Variants in NAA60 observed in about 807,000 individuals in gnomAD.
The protein encoded by NAA60 is N-alpha-acetyltransferase 60.
A neutral mutation model predicts 26.1 loss-of-function variants in NAA60; 8 were observed. The observed-to-expected ratio is 0.31, with a 90% CI of 0.18 to 0.55. The LOEUF (loss-of-function observed/expected upper bound fraction) is 0.55, where lower values mean the gene tolerates loss of function less well. Ranked by LOEUF, NAA60 falls within the 20% of genes least tolerant of loss-of-function variation. The pLI, the probability that NAA60 is intolerant of heterozygous loss-of-function variation, is 0.93. For missense variants in NAA60, 290 were observed against 311.3 expected (o/e 0.93, Z 0.51); for synonymous variants, 131 against 122.5 (o/e 1.07, Z -0.46).
rs2150995884 is a variant in NAA60 at position 3,472,998 on chromosome 16, T to C, written c.-6-3224T>C. On this transcript the variant is annotated intron_variant, in intron 2 of 7. Coordinates refer to ENST00000407558, the MANE Select transcript of NAA60 (RefSeq NM_001083601.3). The stretch of plus-strand genomic sequence containing the variant: ...CTTTTAGAGGTTTTGTTCCTTTGTG[T>C]GTTCTTTGTCATCTGTTTTGTTTTG... 2.1e-5 allele frequency among the ~76,000 whole-genome samples: 3 copies of C among 145,874 alleles called. No individual in the cohort carries two copies. In the South Asian group the frequency reaches 6.9e-4, roughly 34 times the overall value.
At chr16:3,483,860 T>C in intron 6 of NAA60, 2 of 498,630 alleles carry the variant, frequency 4.0e-6, no homozygotes, top group Non-Finnish European at 7.1e-6. Context: ...CCCAAATTAC[T>C]GGGATTATAG....
At chr16:3,446,952 C>G (rs2034580462) in intron 1 of NAA60, among the ~76,000 whole-genome samples, 1 of 152,058 alleles carries the variant, frequency 6.6e-6, no homozygotes, top group Non-Finnish European at 1.5e-5. Flanking sequence ...AGCAATTCTT[C>G]TGGCTCAGCC....
chr16:3,453,847 C>A (rs1306758537), intron 2 of NAA60, among the ~76,000 whole-genome samples: 3 of 151,866 alleles, frequency 2.0e-5, no homozygotes, highest in Non-Finnish European at 2.9e-5. Context: ...AAACCTGATC[C>A]CCAGTCCCTG....
intron 2 of NAA60, chr16:3,457,866 C>A (rs2035077205): frequency 6.5e-6 from 4 of 618,514 alleles, no homozygotes; most frequent in East Asian, 1.4e-4. Context: ...CTCACCAGTG[C>A]CCCGCATACG....
At chr16:3,476,767 A>G (rs1292777129) in intron 3 of NAA60, among the ~76,000 whole-genome samples, 1 of 152,146 alleles carries the variant, frequency 6.6e-6, no homozygotes, top group Non-Finnish European at 1.5e-5. Flanking sequence ...CTTTTTTACA[A>G]GATATTAAAG....
chr16:3,458,764 G>T (rs1454032410), intron 2 of NAA60, among the ~76,000 whole-genome samples: 2 of 152,182 alleles, frequency 1.3e-5, no homozygotes, highest in East Asian at 3.9e-4. Context: ...AATTCCTTAC[G>T]TTCCTGGCCC....
At chr16:3,470,049 G>T (rs905369570) in intron 2 of NAA60, among the ~76,000 whole-genome samples, 3 of 152,224 alleles carry the variant, frequency 2.0e-5, no homozygotes, top group Admixed American at 2.0e-4. Context: ...TTTGTCTCGT[G>T]TCAGGGGATG....
At chr16:3,451,855 T>C (rs1343591307) in intron 2 of NAA60, among the ~76,000 whole-genome samples, 2 of 149,664 alleles carry the variant, frequency 1.3e-5, no homozygotes, top group African/African-American at 2.5e-5. Flanking sequence ...GAGGCAGAAA[T>C]TGCAGTGAGC....
intron 2 of NAA60, chr16:3,456,683 G>A (rs1337278888): frequency 6.6e-6 from 1 of 152,146 alleles, no homozygotes; most frequent in African/African-American, 2.4e-5. Flanking sequence ...CCTGCTGAAG[G>A]GGGTGGGATT....
intron 2 of NAA60, chr16:3,458,037 G>A (rs970613409): frequency 7.3e-5 from 72 of 985,270 alleles, no homozygotes; most frequent in Non-Finnish European, 8.1e-5. Context: ...GAAGTGCCGC[G>A]GGCTGCCGCC....
At chr16:3,459,759 T>G (rs1473743875) in intron 2 of NAA60, among the ~76,000 whole-genome samples, 1 of 152,156 alleles carries the variant, frequency 6.6e-6, no homozygotes, top group African/African-American at 2.4e-5. Context: ...AGACAGCTTT[T>G]TAAAAGGTCT....
At chr16:3,477,037 G>A (rs982536660) in intron 3 of NAA60, among the ~76,000 whole-genome samples, 18 of 150,916 alleles carry the variant, frequency 1.2e-4, no homozygotes, top group Admixed American at 8.6e-4. Flanking sequence ...GCGATATTCC[G>A]TTTCAAAAAA....
chr16:3,482,200 C>T (rs1350667920), intron 4 of NAA60, among the ~76,000 whole-genome samples: 1 of 152,252 alleles, frequency 6.6e-6, no homozygotes, highest in Non-Finnish European at 1.5e-5. Context: ...CATGCCATAA[C>T]TTTACCTTGT....
intron 2 of NAA60, among the ~76,000 whole-genome samples, chr16:3,461,120 C>G (rs569418484): frequency 9.4e-4 from 142 of 151,652 alleles, no homozygotes; most frequent in African/African-American, 3.2e-3. Context: ...CAGTTCAGGA[C>G]TTATCAGAAG....
intron 2 of NAA60, among the ~76,000 whole-genome samples, chr16:3,467,102 G>A (rs542726331): frequency 6.6e-6 from 1 of 152,208 alleles, no homozygotes; most frequent in East Asian, 1.9e-4. Context: ...CAGAGAGAAA[G>A]AGCCTGAGGA....
At chr16:3,479,415 G>A (rs1330553793) in intron 3 of NAA60, 56 bp from the exon 4 acceptor site, 9 of 1,593,782 alleles carry the variant, frequency 5.6e-6, no homozygotes, top group African/African-American at 2.7e-5. Flanking sequence ...TCTAGAGCAC[G>A]ACCATAGTTG....
At position 3,483,413 on chromosome 16, in the gene NAA60, G is replaced by A. The variant is rs897910703; in HGVS notation, c.388G>A (p.Asp130Asn). 11 of 1,613,712 alleles carry A rather than the reference G, an allele frequency of 6.8e-6. No homozygotes were observed. Among genetic ancestry groups the A allele is most frequent in the Non-Finnish European group, 5.9e-6 (7 of 1,179,820 alleles). ...GGATCACATATCAACCACCGCCCAG[G>A]ACCACTGCAAAGCCATTTACCTGCA... ...LKDHISTTAQ[D>N]HCKAIYLHVL... is the part of the protein sequence containing the mutation. The change falls in exon 6 of 8, where the codon GAC becomes AAC. Residue 130 changes from aspartate to asparagine, a missense_variant. Asp to Asn is a conservative substitution (Grantham distance 23). Coordinates refer to ENST00000407558, the MANE Select transcript of NAA60 (RefSeq NM_001083601.3).
At chr16:3,474,718 C>T (rs981418782) in intron 2 of NAA60, among the ~76,000 whole-genome samples, 1 of 152,208 alleles carries the variant, frequency 6.6e-6, no homozygotes. Context: ...TGCACCTGCC[C>T]CCAGCAGCTT....
intron 1 of NAA60, among the ~76,000 whole-genome samples, chr16:3,444,705 T>C (rs1205766522): frequency 6.6e-6 from 1 of 152,226 alleles, no homozygotes; most frequent in Non-Finnish European, 1.5e-5. Flanking sequence ...GGTTGGTTAA[T>C]TCGGTGGCCC....
Sources: allele counts gnomAD v4.1 joint callset (sites outside exome capture counted in the v4.1 genomes callset), GRCh38; gene constraint gnomAD v4.1.1; transcripts MANE v1.5; gene names NCBI Gene and HGNC (gene_info 2026-07-23, HGNC 2026-07-21).